Variants in JMY observed in about 807,000 individuals in gnomAD.
JMY encodes the protein junction-mediating and -regulatory protein.
JMY carries 46 observed loss-of-function variants against 103.3 expected under a neutral mutation model. The ratio of observed to expected loss-of-function variants is 0.45; its 90% CI spans 0.35 to 0.57. The LOEUF is 0.57. JMY is among the 20% of genes least tolerant of loss of function. JMY has a pLI of 0.00. For missense variants in JMY, 1,238 were observed against 1,255.2 expected, an observed-to-expected ratio of 0.99 and a Z score of 0.21; for synonymous variants, 526 against 489.3, an observed-to-expected ratio of 1.07 and a Z score of -0.99.
chr5:79,309,777 A>T (rs1241410865), intron 7 of JMY, among the ~76,000 whole-genome samples: 2 of 152,176 alleles, frequency 1.3e-5, no homozygotes, highest in African/African-American at 2.4e-5. Flanking sequence ...ATTTTTCATT[A>T]CTGTTTCTGT....
At chr5:79,278,169 T>TA in intron 2 of JMY, 86 bp downstream of exon 2, 12 of 906,208 alleles carry the variant, frequency 1.3e-5, no homozygotes, top group South Asian at 5.3e-5. Flanking sequence ...AAGAGGAACT[T>TA]TAAAAAAAAA....
chr5:79,282,206 C>CA (rs1228538983), intron 2 of JMY, among the ~76,000 whole-genome samples: 2 of 150,518 alleles, frequency 1.3e-5, no homozygotes, highest in Non-Finnish European at 3.0e-5. Context: ...GACACTGTCT[C>CA]AAAAAATAAA....
chr5:79,312,220 T>G (rs183098864), intron 7 of JMY, among the ~76,000 whole-genome samples, 183 bp from the exon 8 acceptor site: 9 of 152,334 alleles, frequency 5.9e-5, no homozygotes, highest in Admixed American at 5.2e-4. Flanking sequence ...ATTTCATGTT[T>G]CATGCTTTCA....
intron 1 of JMY, among the ~76,000 whole-genome samples, chr5:79,268,002 T>A (rs1745633772): frequency 2.6e-5 from 4 of 152,082 alleles, no homozygotes; most frequent in Admixed American, 2.6e-4. Context: ...TGCAAACACT[T>A]TGGGAGAGAC....
At chr5:79,269,144 A>G (rs1251234239) in intron 1 of JMY, among the ~76,000 whole-genome samples, 1 of 151,746 alleles carries the variant, frequency 6.6e-6, no homozygotes, top group African/African-American at 2.4e-5. Context: ...ATTTAATTCC[A>G]TGATCAATTT....
chr5:79,275,545 C>G (rs1020172691), intron 1 of JMY, among the ~76,000 whole-genome samples: 29 of 152,162 alleles, frequency 1.9e-4, no homozygotes, highest in African/African-American at 6.3e-4. Flanking sequence ...CATGAATAAA[C>G]CGTCTAGAGC....
intron 10 of JMY, among the ~76,000 whole-genome samples, chr5:79,317,876 T>G (rs1443611997): frequency 6.6e-6 from 1 of 151,970 alleles, no homozygotes; most frequent in Non-Finnish European, 1.5e-5. Flanking sequence ...AGAGACAGGG[T>G]CTCCTTATGG....
chr5:79,281,882 ACAAAGAG>A (rs1332338470), intron 2 of JMY, among the ~76,000 whole-genome samples: 5 of 152,208 alleles, frequency 3.3e-5, no homozygotes, highest in Middle Eastern at 3.2e-3. Flanking sequence ...GACATCTAAC[ACAAAGAG>A]CATAAACTTT....
Position 79,303,580 on chromosome 5 carries a change from C to T in JMY, c.1881+2717C>T, listed in dbSNP as rs113811627. Among the ~76,000 whole-genome samples, 1,435 of 152,130 alleles carry T rather than the reference C, an allele frequency of 9.4e-3. 25 individuals carry two copies. Among genetic ancestry groups the T allele is most frequent in the African/African-American group, 0.033 (1,365 of 41,496 alleles). On this transcript the variant is annotated intron_variant, in intron 6 of 10. Coordinates refer to ENST00000396137, the MANE Select transcript of JMY (RefSeq NM_152405.5). Reference sequence around the variant, plus strand: ...AAGACTGAGCTGCTGTGATGTAGTGCGAGGAGAAAGGCTCTAAGGAAAGAA... The same window carrying T: ...AAGACTGAGCTGCTGTGATGTAGTGTGAGGAGAAAGGCTCTAAGGAAAGAA...
intron 2 of JMY, among the ~76,000 whole-genome samples, chr5:79,282,213 TA>T (rs910532044): frequency 1.1e-4 from 16 of 147,420 alleles, no homozygotes; most frequent in Non-Finnish European, 1.8e-4. Context: ...TCTCAAAAAA[TA>T]AAAAAAAAAT....
chr5:79,273,332 T>G (rs188292452), intron 1 of JMY, among the ~76,000 whole-genome samples: 1 of 152,204 alleles, frequency 6.6e-6, no homozygotes, highest in Non-Finnish European at 1.5e-5. Flanking sequence ...GATGTTTTGT[T>G]GTGTTTTGTT....
chr5:79,265,546 A>G (rs1411146355), intron 1 of JMY, among the ~76,000 whole-genome samples: 1 of 151,640 alleles, frequency 6.6e-6, no homozygotes, highest in African/African-American at 2.4e-5. Flanking sequence ...TCACTTTGAT[A>G]TGGCCATTTA....
Position 79,236,851 on chromosome 5 carries a change from C to G in JMY, c.201C>G (p.Gly67=), listed in dbSNP as rs1331121109. The G allele has an allele frequency of 6.9e-7, 1 of 1,447,066 alleles. No homozygotes were observed. The highest frequency in any genetic ancestry group is 9.1e-7 in the Non-Finnish European group (1 of 1,094,048). The allele number at this position is 1,447,066 out of a possible 1,614,324, so 89.6% of individuals were successfully genotyped here. A position where few individuals can be genotyped will look rare whatever the true frequency, so the allele number is the denominator to read the frequency against. The change falls in exon 1 of 11, where the codon GGC becomes GGG. Residue 67 remains glycine, a synonymous_variant. Coordinates refer to ENST00000396137, the MANE Select transcript of JMY (RefSeq NM_152405.5). Reference sequence around the variant, plus strand: ...GGGAGCAAGCGGGGGCGCGAGGGGGCGCCGAGGCCGGCGGAGCTGCGTCCG... The same window carrying G: ...GGGAGCAAGCGGGGGCGCGAGGGGGGGCCGAGGCCGGCGGAGCTGCGTCCG... ...GSREQAGARG[G]AEAGGAASDG...
chr5:79,307,150 A>G (rs1207372482), intron 7 of JMY, among the ~76,000 whole-genome samples: 2 of 152,180 alleles, frequency 1.3e-5, no homozygotes, highest in Non-Finnish European at 2.9e-5. Context: ...CCATGTGCCT[A>G]TTGAAGGACA....
At chr5:79,253,136 C>CAGT (rs1298076943) in intron 1 of JMY, among the ~76,000 whole-genome samples, 1 of 152,040 alleles carries the variant, frequency 6.6e-6, no homozygotes, top group Admixed American at 6.6e-5. Context: ...TCTCATGACC[C>CAGT]AGTATTTTAA....
intron 1 of JMY, among the ~76,000 whole-genome samples, chr5:79,260,162 C>G (rs535178121): frequency 6.6e-6 from 1 of 152,250 alleles, no homozygotes; most frequent in East Asian, 1.9e-4. Flanking sequence ...CTCACAAGTC[C>G]TAGCTGTACC....
At chr5:79,238,710 C>G (rs1465164040) in intron 1 of JMY, among the ~76,000 whole-genome samples, 2 of 142,930 alleles carry the variant, frequency 1.4e-5, no homozygotes, top group African/African-American at 5.1e-5. Flanking sequence ...TACAGTGGCA[C>G]CATCTGGGCT....
intron 7 of JMY, among the ~76,000 whole-genome samples, chr5:79,306,853 A>G (rs778931737): frequency 8.5e-5 from 13 of 152,152 alleles, no homozygotes; most frequent in Non-Finnish European, 1.6e-4. Flanking sequence ...AATGACATGA[A>G]TCTGCTATTA....
chr5:79,278,169 TTAA>T (rs1031399262), intron 2 of JMY, 86 bp downstream of exon 2: 15 of 906,130 alleles, frequency 1.7e-5, no homozygotes, highest in South Asian at 2.6e-5. Context: ...AAGAGGAACT[TTAA>T]AAAAAAAAAA....
Sources: gnomAD v4.1 joint callset for allele counts (sites outside exome capture counted in the v4.1 genomes callset) on GRCh38, gnomAD v4.1.1 for gene constraint, MANE v1.5 for transcripts, NCBI Gene and HGNC (gene_info 2026-07-23, HGNC 2026-07-21) for gene names.